Variants in KLHL2 observed in about 807,000 individuals in gnomAD.
KLHL2 encodes kelch like family member 2, also known as kelch-like protein 2.
Under a neutral mutation model 75.8 loss-of-function variants are expected in KLHL2, and 15 were observed. That is an observed-to-expected ratio of 0.20 (90% CI 0.13 to 0.30). The LOEUF is 0.30. KLHL2 is among the 10% of genes least tolerant of loss of function. The pLI is 1.00. For synonymous variants in KLHL2, 214 were observed against 251.9 expected (o/e 0.85, Z 1.42); for missense variants, 381 against 741.0 (o/e 0.51, Z 5.64).
At chr4:165,288,971 A>T (rs867353766) in intron 5 of KLHL2, among the ~76,000 whole-genome samples, 2 of 152,140 alleles carry the variant, frequency 1.3e-5, no homozygotes, top group Non-Finnish European at 2.9e-5. Flanking sequence ...CAGACAGACT[A>T]ATAGTGATTG....
At chr4:165,289,181 T>TG (rs1292248016) in intron 5 of KLHL2, among the ~76,000 whole-genome samples, 1 of 152,160 alleles carries the variant, frequency 6.6e-6, no homozygotes, top group Non-Finnish European at 1.5e-5. Flanking sequence ...GTAGAACACT[T>TG]GAAGAAATAT....
chr4:165,213,183 G>T (rs2110946011), intron 1 of KLHL2, among the ~76,000 whole-genome samples: 1 of 152,268 alleles, frequency 6.6e-6, no homozygotes, highest in Admixed American at 6.5e-5. Flanking sequence ...CATTCTGGTT[G>T]CTACTATTCT....
rs751284769 is a variant in KLHL2 at position 165,207,913 on chromosome 4, G to C, written c.26+11G>C. 1.1e-5 allele frequency: 16 copies of C among 1,412,504 alleles called. No individual in the cohort carries two copies. The South Asian group carries it at 1.8e-4, about 16-fold the overall frequency. The allele number at this position is 1,412,504 out of a possible 1,614,324, so 87.5% of individuals were successfully genotyped here. A position where few individuals can be genotyped will look rare whatever the true frequency, so the allele number is the denominator to read the frequency against. On this transcript the variant is annotated intron_variant, in intron 1 of 14. Coordinates refer to ENST00000226725, the MANE Select transcript of KLHL2 (RefSeq NM_007246.4). This position sits in a 1 kb window ranked among gnomAD's most constrained non-coding sequence, Gnocchi z 4.2. ...GCCGCTGCCTCCCGCGTGAGTGAGC[G>C]GGCGGGCGGGCTGCGCCGCTGCGGA...
At chr4:165,299,174 T>C (rs1745156824) in intron 7 of KLHL2, among the ~76,000 whole-genome samples, 1 of 152,204 alleles carries the variant, frequency 6.6e-6, no homozygotes, top group African/African-American at 2.4e-5. Context: ...TTGTTTTGCT[T>C]ACTTTTTGTC....
chr4:165,228,614 A>G (rs1272587110), intron 2 of KLHL2, among the ~76,000 whole-genome samples, 193 bp from the exon 3 acceptor site: 1 of 152,328 alleles, frequency 6.6e-6, no homozygotes, highest in South Asian at 2.1e-4. Flanking sequence ...GTGAGAGTCC[A>G]AGGCATGTTG....
intron 11 of KLHL2, among the ~76,000 whole-genome samples, chr4:165,312,085 A>T (rs1320293309): frequency 6.6e-6 from 1 of 152,106 alleles, no homozygotes; most frequent in African/African-American, 2.4e-5. Flanking sequence ...ATTTCAAGAT[A>T]GGGTTCACAC....
Position 165,296,269 on chromosome 4 carries a change from G to A in KLHL2, c.655-1340G>A, listed in dbSNP as rs555190091. 3.9e-5 allele frequency among the ~76,000 whole-genome samples: 6 copies of A among 152,294 alleles called. No individual in the cohort carries two copies. The South Asian group carries it at 1.2e-3, about 32-fold the overall frequency. On this transcript the variant is annotated intron_variant, in intron 6 of 14. Transcript: ENST00000226725. ...CTTTTGTCTGGCTCCGGGGCTCCCG[G>A]TTGATTGGTCTCTCTCTAGGTCTCC...
intron 8 of KLHL2, among the ~76,000 whole-genome samples, chr4:165,304,448 T>G (rs1445522682): frequency 6.6e-6 from 1 of 152,234 alleles, no homozygotes; most frequent in African/African-American, 2.4e-5. Context: ...CTGTTTGTTT[T>G]TATTTTTTGT....
chr4:165,308,995 G>A (rs1468571318), intron 9 of KLHL2, among the ~76,000 whole-genome samples: 2 of 152,126 alleles, frequency 1.3e-5, no homozygotes, highest in Non-Finnish European at 2.9e-5. Flanking sequence ...GACAGTAAGG[G>A]GCAGAGGTAC....
intron 13 of KLHL2, among the ~76,000 whole-genome samples, chr4:165,317,378 T>C (rs1403563312): frequency 1.3e-5 from 2 of 151,908 alleles, no homozygotes; most frequent in African/African-American, 4.8e-5. Flanking sequence ...TTTTTTTTTT[T>C]TGGAGACAGA....
intron 9 of KLHL2, among the ~76,000 whole-genome samples, chr4:165,308,260 T>C (rs1343139229): frequency 6.6e-6 from 1 of 152,222 alleles, no homozygotes; most frequent in Non-Finnish European, 1.5e-5. Context: ...TTGTATGCCA[T>C]TTACTAACTG....
rs765932225 is a variant in KLHL2 at position 165,278,154 on chromosome 4, T to C, written c.544+14795T>C. The C allele has an allele frequency of 2.7e-6, 4 of 1,485,108 alleles. No individual in the cohort carries two copies. The South Asian group carries it at 4.5e-5, about 17-fold the overall frequency. The allele number at this position is 1,485,108 out of a possible 1,614,324, so 92.0% of individuals were successfully genotyped here. On this transcript the variant is annotated intron_variant, in intron 5 of 14. Transcript: ENST00000226725. ...GCTTTCTTCCATGTAGAATAACGAA[T>C]TTCACTTTCCTCAGCATTAATCTGA...
intron 6 of KLHL2, 72 bp from the exon 7 acceptor site, chr4:165,297,537 T>C: frequency 2.3e-6 from 2 of 852,790 alleles, no homozygotes; most frequent in Non-Finnish European, 4.1e-6. Context: ...TAAAATGTAG[T>C]CTCATATTTT....
At chr4:165,295,306 A>G (rs1275496293) in intron 6 of KLHL2, among the ~76,000 whole-genome samples, 1 of 152,166 alleles carries the variant, frequency 6.6e-6, no homozygotes, top group South Asian at 2.1e-4. Context: ...AAGGCTATTC[A>G]TTTCACCTGG....
intron 11 of KLHL2, among the ~76,000 whole-genome samples, chr4:165,312,191 G>A (rs576326158): frequency 5.9e-5 from 9 of 152,224 alleles, no homozygotes; most frequent in Admixed American, 3.3e-4. Flanking sequence ...TGTGCAGCCC[G>A]GTTCCTAACA....
At chr4:165,280,748 A>G (rs1244735314) in intron 5 of KLHL2, among the ~76,000 whole-genome samples, 1 of 152,228 alleles carries the variant, frequency 6.6e-6, no homozygotes, top group Non-Finnish European at 1.5e-5. Context: ...TTAGTAAACT[A>G]CATGCAGTCT....
At chr4:165,211,968 AC>A in intron 1 of KLHL2, among the ~76,000 whole-genome samples, 1 of 152,196 alleles carries the variant, frequency 6.6e-6, no homozygotes. Context: ...ACGGATTTAC[AC>A]TAGTAGTGCT....
At chr4:165,261,640 A>G (rs56859187) in intron 4 of KLHL2, among the ~76,000 whole-genome samples, 11,572 of 152,050 alleles carry the variant, frequency 0.076, 505 homozygotes, top group Middle Eastern at 0.14. Context: ...CGCCTGACCT[A>G]TTTTTCTTAA....
At chr4:165,279,451 A>G (rs746532605) in intron 5 of KLHL2, 3 of 1,600,296 alleles carry the variant, frequency 1.9e-6, no homozygotes, top group Non-Finnish European at 2.6e-6. Context: ...CTATACACTC[A>G]TAGACAGAAT....
Sources: gnomAD v4.1 joint callset for allele counts (sites outside exome capture counted in the v4.1 genomes callset) on GRCh38, gnomAD v4.1.1 for gene constraint, Gnocchi (gnomAD v3.1) non-coding constraint, MANE v1.5 for transcripts, NCBI Gene and HGNC (gene_info 2026-07-23, HGNC 2026-07-21) for gene names.